BEST3: variants seen among roughly 807,000 people sequenced by gnomAD.
BEST3 encodes the protein bestrophin 3, also known as bestrophin-3.
BEST3 carries 50 observed loss-of-function variants against 47.1 expected under a neutral mutation model. The ratio of observed to expected loss-of-function variants is 1.06; its 90% CI spans 0.85 to 1.34. The LOEUF is 1.34. BEST3 is among the 40% of genes most tolerant of loss of function. The probability of loss-of-function intolerance (pLI) is 0.00; values close to 1 mark genes in which losing one functional copy is unlikely to be tolerated. For synonymous variants in BEST3, 282 were observed against 298.8 expected (o/e 0.94, Z 0.58); for missense variants, 765 against 817.0 (o/e 0.94, Z 0.78).
At chr12:69,675,692 G>A (rs779316635) in intron 7 of BEST3, among the ~76,000 whole-genome samples, 8 of 152,178 alleles carry the variant, frequency 5.3e-5, no homozygotes, top group Non-Finnish European at 1.2e-4. Context: ...TTGCTCTTAC[G>A]CAGGTAGAAA....
intron 9 of BEST3, among the ~76,000 whole-genome samples, chr12:69,666,607 T>C (rs1884238262): frequency 6.6e-6 from 1 of 152,200 alleles, no homozygotes; most frequent in Non-Finnish European, 1.5e-5. Context: ...CTTTCAGTAA[T>C]AGTATTCTAC....
chr12:69,646,061 C>G (rs994133946), intron 9 of BEST3, among the ~76,000 whole-genome samples: 3 of 152,056 alleles, frequency 2.0e-5, no homozygotes, highest in Admixed American at 6.6e-5. Flanking sequence ...CTCAGCCTCT[C>G]GAGTAGCTGG....
At chr12:69,691,254 A>G (rs143532143) in intron 4 of BEST3, among the ~76,000 whole-genome samples, 1 of 152,306 alleles carries the variant, frequency 6.6e-6, no homozygotes, top group East Asian at 1.9e-4. Flanking sequence ...TAACTTTTTT[A>G]ATCCTCATAA....
chr12:69,658,910 G>A (rs1372033083), intron 9 of BEST3, among the ~76,000 whole-genome samples: 1 of 152,208 alleles, frequency 6.6e-6, no homozygotes, highest in African/African-American at 2.4e-5. Flanking sequence ...TTATCCCGGA[G>A]ACAGAGGGCA....
downstream of BEST3, among the ~76,000 whole-genome samples, chr12:69,651,006 G>A (rs116457169): frequency 2.9e-3 from 449 of 152,306 alleles, 4 homozygotes; most frequent in African/African-American, 9.8e-3. Context: ...CAGCTTCTCC[G>A]GAGGCTGAGA....
chr12:69,670,097 A>C, intron 9 of BEST3: 1 of 208,704 alleles, frequency 4.8e-6, no homozygotes, highest in Non-Finnish European at 9.9e-6. Flanking sequence ...TTAATTATCT[A>C]AAATCAAACT....
In BEST3 at chr12:69,666,079, G is replaced by A. The variant is rs543357225; in HGVS notation, c.1100+5349C>T. Among the ~76,000 whole-genome samples the A allele has an allele frequency of 2.0e-3, 306 of 152,222 alleles. 1 individual carries two copies. The highest frequency in any genetic ancestry group is 2.4e-3 in the Non-Finnish European group (162 of 68,012). ...CTGTCACCCAAACTGTAGTGCAGTG[G>A]CATGAGCTTGGCTAACTGCAACCTT... is the stretch of plus-strand genomic sequence containing the variant. On this transcript the variant is annotated intron_variant, in intron 9 of 9. Coordinates refer to ENST00000330891, the MANE Select transcript of BEST3 (RefSeq NM_032735.3).
exon 10 of BEST3, chr12:69,643,736 G>T: frequency 2.8e-6 from 2 of 715,906 alleles, no homozygotes; most frequent in Non-Finnish European, 5.2e-6. Flanking sequence ...GAGGCTGAGG[G>T]AGTGGGATTT....
At chr12:69,659,465 C>T (rs698129) in intron 9 of BEST3, among the ~76,000 whole-genome samples, 57,109 of 152,050 alleles carry the variant, frequency 0.38, 11,084 homozygotes, top group East Asian at 0.51. Flanking sequence ...GTGATCATCC[C>T]ACCTTAGCCT....
intron 9 of BEST3, among the ~76,000 whole-genome samples, chr12:69,665,458 T>C (rs1293196365): frequency 6.6e-6 from 1 of 152,112 alleles, no homozygotes; most frequent in Non-Finnish European, 1.5e-5. Flanking sequence ...CTGGGTGTGG[T>C]GGTGCACGCC....
At chr12:69,653,002 A>G (rs1267325636), downstream of BEST3, among the ~76,000 whole-genome samples, 1 of 152,194 alleles carries the variant, frequency 6.6e-6, no homozygotes, top group Admixed American at 6.5e-5. Flanking sequence ...TTCCTCTAAT[A>G]TTATTTCTTT....
chr12:69,691,851 T>A (rs1885938134), intron 4 of BEST3, among the ~76,000 whole-genome samples: 1 of 152,146 alleles, frequency 6.6e-6, no homozygotes, highest in Non-Finnish European at 1.5e-5. Flanking sequence ...TGAAACCAGT[T>A]TTATAGTTGC....
At chr12:69,690,426 A>T (rs1442135575) in intron 4 of BEST3, among the ~76,000 whole-genome samples, 2 of 152,172 alleles carry the variant, frequency 1.3e-5, no homozygotes, top group Admixed American at 1.3e-4. Context: ...TCATTTTCCT[A>T]TTTGCCTCCC....
chr12:69,654,223 C>G lies in BEST3; in HGVS notation c.*684G>C. The G allele has an allele frequency of 2.0e-6, 2 of 984,120 alleles. No individual in the cohort carries two copies. Among genetic ancestry groups the G allele is most frequent in the Non-Finnish European group, 2.4e-6 (2 of 829,572 alleles). The allele number at this position is 984,120 out of a possible 1,614,324, so 61.0% of individuals were successfully genotyped here. ...AAATATTATAACCTGAAAAATGGGA[C>G]AGATTACTAGAAAAGCAGCACAACC... On this transcript the variant is annotated 3_prime_UTR_variant, in exon 10 of 10. Coordinates refer to ENST00000330891, the MANE Select transcript of BEST3 (RefSeq NM_032735.3).
chr12:69,668,946 G>C (rs1007261734), intron 9 of BEST3, among the ~76,000 whole-genome samples: 4 of 152,128 alleles, frequency 2.6e-5, no homozygotes, highest in African/African-American at 9.7e-5. Flanking sequence ...CAGGATGGGA[G>C]AGCCTGCCTG....
chr12:69,687,141 A>G (rs1885661870), intron 4 of BEST3: 1 of 152,262 alleles, frequency 6.6e-6, no homozygotes, highest in Non-Finnish European at 1.5e-5. Flanking sequence ...TAAGTGACCC[A>G]GACCTGAGTT....
chr12:69,668,629 C>T (rs1054153158), intron 9 of BEST3, among the ~76,000 whole-genome samples: 6 of 152,210 alleles, frequency 3.9e-5, no homozygotes, highest in Admixed American at 1.3e-4. Flanking sequence ...CCCAGCGAAA[C>T]CATTCACCCT....
Position 69,644,723 on chromosome 12 carries a change from G to C in BEST3, c.1101-936C>G, listed in dbSNP as rs371164257. ...GGTTCCACTGGGAGTAATGTTGTTA[G>C]GCATGTAAGTACAGCATTGGGTTTT... is the stretch of plus-strand genomic sequence containing the variant. On this transcript the variant is annotated intron_variant, in intron 9 of 9. Transcript: ENST00000331471. Among the ~76,000 whole-genome samples the C allele has an allele frequency of 1.1e-4, 16 of 152,260 alleles. No homozygotes were observed. In the East Asian group the frequency reaches 2.7e-3, roughly 26 times the overall value.
At chr12:69,682,946 T>TG (rs1424419980) in intron 4 of BEST3, among the ~76,000 whole-genome samples, 22 of 152,262 alleles carry the variant, frequency 1.4e-4, no homozygotes, top group African/African-American at 4.8e-4. Flanking sequence ...AAAGACTTGC[T>TG]GTAGCCTATT....
Sources: gnomAD v4.1 joint callset for allele counts (sites outside exome capture counted in the v4.1 genomes callset) on GRCh38, gnomAD v4.1.1 for gene constraint, MANE v1.5 for transcripts, NCBI Gene and HGNC (gene_info 2026-07-23, HGNC 2026-07-21) for gene names.